MPZL3: variants seen among roughly 807,000 people sequenced by gnomAD.
MPZL3 encodes myelin protein zero-like protein 3.
MPZL3 carries 23 observed loss-of-function variants against 24.8 expected under a neutral mutation model. That is an observed-to-expected ratio of 0.93 (90% CI 0.67 to 1.31). The LOEUF (loss-of-function observed/expected upper bound fraction) is 1.31. Ranked by LOEUF, MPZL3 falls within the 40% of genes most tolerant of loss-of-function variation. The probability of loss-of-function intolerance (pLI) is 0.00; values close to 1 mark genes in which losing one functional copy is unlikely to be tolerated. For missense variants in MPZL3, 277 were observed against 294.9 expected (o/e 0.94, Z 0.44); for synonymous variants, 99 against 106.5 (o/e 0.93, Z 0.44).
At chr11:118,239,514 T>C (rs1283575840) in intron 2 of MPZL3, among the ~76,000 whole-genome samples, 1 of 152,222 alleles carries the variant, frequency 6.6e-6, no homozygotes, top group African/African-American at 2.4e-5. Context: ...AGGATACTGC[T>C]GGAAGCTTAA....
intron 4 of MPZL3, among the ~76,000 whole-genome samples, chr11:118,234,439 A>T (rs1565491940): frequency 6.6e-6 from 1 of 152,094 alleles, no homozygotes. Context: ...CAAGAGAAGG[A>T]AAGAGGGCAT....
At chr11:118,239,796 A>G (rs976055732) in intron 2 of MPZL3, among the ~76,000 whole-genome samples, 3 of 152,248 alleles carry the variant, frequency 2.0e-5, no homozygotes, top group Non-Finnish European at 4.4e-5. Context: ...AGATACACCC[A>G]TTGAGACAAC....
chr11:118,250,569 T>C (rs553228278), intron 1 of MPZL3, among the ~76,000 whole-genome samples: 11 of 135,502 alleles, frequency 8.1e-5, no homozygotes, highest in Admixed American at 7.6e-4. Context: ...CAGTTGTTTC[T>C]TTTTTGTTTG....
intron 5 of MPZL3, among the ~76,000 whole-genome samples, chr11:118,232,552 G>C (rs952458923): frequency 9.2e-5 from 14 of 151,964 alleles, no homozygotes; most frequent in African/African-American, 3.4e-4. Flanking sequence ...CATATGGCAC[G>C]TGACAGATGC....
intron 4 of MPZL3, 71 bp downstream of exon 4, chr11:118,235,353 T>A (rs1949408996): frequency 6.7e-7 from 1 of 1,500,974 alleles, no homozygotes; most frequent in Non-Finnish European, 9.0e-7. Flanking sequence ...AAGGAAGGTG[T>A]GGATGTGGGG....
chr11:118,240,862 C>T (rs1194454324), intron 1 of MPZL3, among the ~76,000 whole-genome samples: 1 of 151,952 alleles, frequency 6.6e-6, no homozygotes, highest in Non-Finnish European at 1.5e-5. Context: ...GCTACCATTG[C>T]CTCATCAACA....
chr11:118,235,808 A>C (rs1949418585), intron 3 of MPZL3, among the ~76,000 whole-genome samples: 1 of 152,162 alleles, frequency 6.6e-6, no homozygotes. Context: ...TACCCATTTA[A>C]TCTTCTTCTA....
At chr11:118,244,569 G>T (rs1167429955) in intron 1 of MPZL3, among the ~76,000 whole-genome samples, 1 of 152,190 alleles carries the variant, frequency 6.6e-6, no homozygotes, top group Non-Finnish European at 1.5e-5. Context: ...AAGGAGCTCA[G>T]TCAGTCAAGG....
chr11:118,244,677 G>C (rs760933709), intron 1 of MPZL3, among the ~76,000 whole-genome samples: 8 of 152,208 alleles, frequency 5.3e-5, no homozygotes, highest in Admixed American at 2.6e-4. Context: ...AGACCAGGCA[G>C]GACCTTACAG....
At chr11:118,231,426 A>G (rs1949349615) in intron 5 of MPZL3, among the ~76,000 whole-genome samples, 1 of 150,886 alleles carries the variant, frequency 6.6e-6, no homozygotes, top group Non-Finnish European at 1.5e-5. Flanking sequence ...CTGTCCTCTG[A>G]CCCCTTCCCT....
At chr11:118,233,610 G>C in intron 4 of MPZL3, 87 bp from the exon 5 acceptor site, 1 of 1,388,388 alleles carries the variant, frequency 7.2e-7, no homozygotes. Context: ...AAATCAGACA[G>C]GTCTGGTTTT....
chr11:118,241,484 A>G (rs2134708485), intron 1 of MPZL3, among the ~76,000 whole-genome samples: 1 of 152,316 alleles, frequency 6.6e-6, no homozygotes, highest in African/African-American at 2.4e-5. Context: ...AAGTTACCGT[A>G]CTTCTTCAGT....
chr11:118,243,083 C>T (rs772178285), intron 1 of MPZL3, among the ~76,000 whole-genome samples: 8 of 152,164 alleles, frequency 5.3e-5, no homozygotes, highest in South Asian at 2.1e-4. Flanking sequence ...CAGCTCTAGA[C>T]GACCAGACTA....
intron 1 of MPZL3, among the ~76,000 whole-genome samples, chr11:118,251,078 CGTGTGTGT>C (rs3221165): frequency 0.4 from 57,303 of 144,230 alleles, 12,423 homozygotes; most frequent in South Asian, 0.64. Context: ...GAATATTTCT[CGTGTGTGT>C]GTGTGTGTGT....
At chr11:118,249,322 CAT>C (rs1423670251) in intron 1 of MPZL3, among the ~76,000 whole-genome samples, 5 of 152,236 alleles carry the variant, frequency 3.3e-5, no homozygotes, top group East Asian at 1.9e-4. Flanking sequence ...AGGCTTATGA[CAT>C]GTGTACTTTT....
chr11:118,239,584 C>G (rs189586491), intron 2 of MPZL3, among the ~76,000 whole-genome samples: 485 of 152,222 alleles, frequency 3.2e-3, no homozygotes, highest in Non-Finnish European at 4.8e-3. Context: ...GAAACTTGGA[C>G]CATAAATGTG....
intron 2 of MPZL3, among the ~76,000 whole-genome samples, chr11:118,239,206 G>A (rs1949463116): frequency 6.6e-6 from 1 of 152,096 alleles, no homozygotes; most frequent in African/African-American, 2.4e-5. Flanking sequence ...AATAAGGCCA[G>A]CCACAGTTTC....
rs374954458 is a variant in MPZL3 at position 118,233,184 on chromosome 11, T to C, written c.681+276A>G. Among the ~76,000 whole-genome samples, 41 of 152,258 alleles carry C rather than the reference T, an allele frequency of 2.7e-4. No homozygotes were observed. The East Asian group carries it at 6.5e-3, about 24-fold the overall frequency. On this transcript the variant is annotated intron_variant, in intron 5 of 5. Coordinates refer to ENST00000278949, the MANE Select transcript of MPZL3 (RefSeq NM_198275.3). ...TTCAGTGGCATAGGACACTCCTGTT[T>C]TGGGATTTTCTGTCAGTCAGCAGAA...
At chr11:118,232,786 C>T (rs536011151) in intron 5 of MPZL3, among the ~76,000 whole-genome samples, 1 of 152,234 alleles carries the variant, frequency 6.6e-6, no homozygotes, top group South Asian at 2.1e-4. Flanking sequence ...CAAGTGTGAG[C>T]TTGGCAATAA....
Sources: gnomAD v4.1 joint callset for allele counts (sites outside exome capture counted in the v4.1 genomes callset) on GRCh38, gnomAD v4.1.1 for gene constraint, MANE v1.5 for transcripts, NCBI Gene and HGNC (gene_info 2026-07-23, HGNC 2026-07-21) for gene names.